PKHD1: variants seen among roughly 807,000 people sequenced by gnomAD.
PKHD1 encodes fibrocystin.
PKHD1 carries 291 observed loss-of-function variants against 412.0 expected under a neutral mutation model. The ratio of observed to expected loss-of-function variants is 0.71; its 90% CI spans 0.64 to 0.78. PKHD1 has a LOEUF of 0.78. PKHD1 is among the 30% of genes least tolerant of loss of function. The pLI is 0.00. For missense variants in PKHD1, 4,825 were observed against 4,950.7 expected (o/e 0.97, Z 0.76); for synonymous variants, 1,777 against 1,821.5 (o/e 0.98, Z 0.62).
chr6:52,052,038 C>A (rs1245959564), intron 21 of PKHD1, among the ~76,000 whole-genome samples: 4 of 152,180 alleles, frequency 2.6e-5, no homozygotes, highest in African/African-American at 4.8e-5. Flanking sequence ...GATAAAGAGT[C>A]CTCTTGCCAC....
At position 51,781,971 on chromosome 6, in the gene PKHD1, A is replaced by G. The variant is rs191575153; in HGVS notation, c.8441-6050T>C. Among the ~76,000 whole-genome samples the G allele has an allele frequency of 1.3e-3, 191 of 152,022 alleles. 1 individual carries two copies. Among genetic ancestry groups the G allele is most frequent in the Middle Eastern group, 6.8e-3 (2 of 294 alleles). ...CTGTAAGTTTTCTAACTAAAAAAAA[A>G]AATCATTCATTCATTTATTCACTAG... On this transcript the variant is annotated intron_variant, in intron 53 of 66. Coordinates refer to ENST00000371117, the MANE Select transcript of PKHD1 (RefSeq NM_138694.4).
rs371644317 is a variant in PKHD1 at position 52,063,317 on chromosome 6, CG to C, written c.977-658del. Among the ~76,000 whole-genome samples the C allele has an allele frequency of 8.7e-4, 132 of 152,306 alleles. 2 individuals carry two copies. In the South Asian group the frequency reaches 0.026, roughly 30 times the overall value. ...GCAAAACTCTGGAATCCCAGCTAGA[CG>C]TGTAGCTTTGAGCAAATTCCTTGAT... On this transcript the variant is annotated intron_variant, in intron 13 of 66. Transcript: ENST00000371117.
intron 43 of PKHD1, among the ~76,000 whole-genome samples, chr6:51,894,167 G>A (rs1377315656): frequency 6.6e-6 from 1 of 152,220 alleles, no homozygotes; most frequent in African/African-American, 2.4e-5. Context: ...AGCTGGAGCT[G>A]CTGAGGGAAG....
At chr6:51,635,482 C>T (rs891957345) in intron 64 of PKHD1, among the ~76,000 whole-genome samples, 1 of 152,060 alleles carries the variant, frequency 6.6e-6, no homozygotes. Flanking sequence ...TATGATGCAC[C>T]AGGCTTTTCT....
intron 61 of PKHD1, among the ~76,000 whole-genome samples, chr6:51,657,668 G>A (rs1772105010): frequency 6.6e-6 from 1 of 152,064 alleles, no homozygotes; most frequent in African/African-American, 2.4e-5. Flanking sequence ...TTTCTCTGAA[G>A]CTGTTTCACT....
At chr6:51,845,649 T>C (rs541615262) in intron 50 of PKHD1, among the ~76,000 whole-genome samples, 8 of 152,348 alleles carry the variant, frequency 5.3e-5, no homozygotes, top group Admixed American at 3.9e-4. Flanking sequence ...ATCATACATA[T>C]GCACAGATAC....
At chr6:51,932,704 T>C (rs1407788227) in intron 37 of PKHD1, among the ~76,000 whole-genome samples, 1 of 152,212 alleles carries the variant, frequency 6.6e-6, no homozygotes, top group Non-Finnish European at 1.5e-5. Context: ...AGAATCAACA[T>C]AGCAAGCATT....
chr6:52,082,395 G>C lies in PKHD1; in HGVS notation c.278C>G (p.Thr93Ser). The C allele has an allele frequency of 3.7e-6, 6 of 1,613,994 alleles. No individual in the cohort carries two copies. Among genetic ancestry groups the C allele is most frequent in the Non-Finnish European group, 4.2e-6 (5 of 1,179,928 alleles). ...TCCTATTCCCAGACAGGTATACCTGGTCCGGCATGTCACCACAGGCAAATC... is the reference window on the plus strand; with the variant it reads ...TCCTATTCCCAGACAGGTATACCTGCTCCGGCATGTCACCACAGGCAAATC... The part of the protein sequence containing the change: ...FLDLPVVTCR[T>S]RSVLSEAHEG... Residue 93 changes from threonine to serine, a missense_variant, in exon 4 of 67, where the codon ACC becomes AGC. Transcript: ENST00000371117.
At chr6:51,909,176 T>C in intron 40 of PKHD1, 107 bp downstream of exon 40, 1 of 883,618 alleles carries the variant, frequency 1.1e-6, no homozygotes, top group Admixed American at 1.8e-5. Context: ...ATTATCCATC[T>C]CTAAATCCCT....
chr6:51,987,549 C>T (rs998961875), intron 35 of PKHD1, among the ~76,000 whole-genome samples: 1 of 152,160 alleles, frequency 6.6e-6, no homozygotes, highest in Non-Finnish European at 1.5e-5. Flanking sequence ...CAGACTTTAG[C>T]AGCCCATGCC....
intron 23 of PKHD1, 58 bp downstream of exon 23, chr6:52,048,434 G>A: frequency 6.5e-7 from 1 of 1,542,958 alleles, no homozygotes; most frequent in South Asian, 1.1e-5. Flanking sequence ...TTGTTCCCTT[G>A]GGAATGTGAG....
chr6:51,998,381 A>G (rs1298017257), intron 35 of PKHD1, among the ~76,000 whole-genome samples: 2 of 152,256 alleles, frequency 1.3e-5, no homozygotes, highest in African/African-American at 4.8e-5. Context: ...GATCACTGTC[A>G]CAGAGGGAAT....
At chr6:51,832,198 T>C (rs569721900) in intron 51 of PKHD1, among the ~76,000 whole-genome samples, 4 of 152,256 alleles carry the variant, frequency 2.6e-5, no homozygotes, top group African/African-American at 9.6e-5. Flanking sequence ...AGGGGAGTTC[T>C]TTTTAATGGT....
At chr6:51,813,544 C>T (rs1015962075) in intron 52 of PKHD1, among the ~76,000 whole-genome samples, 1 of 151,962 alleles carries the variant, frequency 6.6e-6, no homozygotes, top group African/African-American at 2.4e-5. Flanking sequence ...CTACTATTTC[C>T]TACATTTTTT....
intron 37 of PKHD1, among the ~76,000 whole-genome samples, chr6:51,927,141 C>T (rs548454418): frequency 9.8e-4 from 149 of 151,538 alleles, no homozygotes; most frequent in Non-Finnish European, 1.7e-3. Context: ...CTATTTAATC[C>T]TCCTTCCTTC....
chr6:51,695,855 C>G (rs540660774), intron 60 of PKHD1, among the ~76,000 whole-genome samples: 3 of 152,122 alleles, frequency 2.0e-5, no homozygotes, highest in Non-Finnish European at 4.4e-5. Flanking sequence ...TCTCTTCCCC[C>G]CTTTACTATC....
chr6:51,868,162 A>G (rs896370790), intron 47 of PKHD1, 53 bp from the exon 48 acceptor site: 2 of 1,422,946 alleles, frequency 1.4e-6, no homozygotes, highest in Non-Finnish European at 2.0e-6. Flanking sequence ...ATAGCAACTA[A>G]ATTCACTGGA....
chr6:51,680,122 G>T (rs556610578), intron 60 of PKHD1, among the ~76,000 whole-genome samples: 1 of 151,974 alleles, frequency 6.6e-6, no homozygotes, highest in Admixed American at 6.6e-5. Flanking sequence ...AGTATCTAAA[G>T]CATAATATAT....
chr6:51,806,224 A>T (rs1485600974), intron 52 of PKHD1, among the ~76,000 whole-genome samples: 4 of 94,328 alleles, frequency 4.2e-5, no homozygotes, highest in Non-Finnish European at 2.4e-5. Context: ...AAAGTATAAT[A>T]AAAAAAAAAG....
Sources: gnomAD v4.1 joint callset for allele counts (sites outside exome capture counted in the v4.1 genomes callset) on GRCh38, gnomAD v4.1.1 for gene constraint, MANE v1.5 for transcripts, NCBI Gene and HGNC (gene_info 2026-07-23, HGNC 2026-07-21) for gene names.